Variants in PCSK5 observed in about 807,000 individuals in gnomAD.
PCSK5 encodes the protein proprotein convertase subtilisin/kexin type 5.
Under a neutral mutation model 233.2 loss-of-function variants are expected in PCSK5, and 129 were observed. The observed-to-expected ratio is 0.55, with a 90% confidence interval of 0.48 to 0.64. The LOEUF (loss-of-function observed/expected upper bound fraction) is 0.64, where lower values mean the gene tolerates loss of function less well. PCSK5 is among the 30% of genes least tolerant of loss of function. The pLI is 0.00. For missense variants in PCSK5, 2,076 were observed against 2,430.1 expected, an observed-to-expected ratio of 0.85 and a Z score of 3.06; for synonymous variants, 825 against 879.2, an observed-to-expected ratio of 0.94 and a Z score of 1.09.
intron 10 of PCSK5, among the ~76,000 whole-genome samples, chr9:76,136,196 A>G (rs1055059706): frequency 6.6e-6 from 1 of 151,784 alleles, no homozygotes; most frequent in Admixed American, 6.6e-5. Context: ...CCCGTATTTC[A>G]TCTAAACAGG....
At position 76,227,605 on chromosome 9, in the gene PCSK5, G is replaced by C. The variant is rs762376340; in HGVS notation, c.2729G>C (p.Arg910Thr). Reference protein sequence around the residue: ...QEDCTTCPMTRIFDDGRCVSN... With the variant: ...QEDCTTCPMTTIFDDGRCVSN... ...GACTGCACTACCTGCCCCATGACAA[G>C]GTAAGTGGCTTCTCAGGATCTCCCG... The change falls in exon 21 of 38, where the codon AGG becomes ACG. Residue 910 changes from arginine (R) to threonine (T), a missense_variant and splice_region_variant. Arg to Thr is a moderately conservative substitution (Grantham distance 71). Transcript: ENST00000674117. 3 of 1,601,318 alleles carry C rather than the reference G, an allele frequency of 1.9e-6. No homozygotes were observed. In the Admixed American group the frequency reaches 5.0e-5, roughly 27 times the overall value.
intron 5 of PCSK5, among the ~76,000 whole-genome samples, chr9:76,046,850 G>A (rs531154705): frequency 1.1e-3 from 163 of 152,146 alleles, no homozygotes; most frequent in African/African-American, 3.9e-3. Flanking sequence ...ATGAGCCACC[G>A]CGCCCGGCCA....
At chr9:76,010,454 G>A (rs1228427451) in intron 3 of PCSK5, among the ~76,000 whole-genome samples, 2 of 152,182 alleles carry the variant, frequency 1.3e-5, no homozygotes, top group African/African-American at 4.8e-5. Context: ...TTGGAGGACT[G>A]TGATCTATCA....
chr9:76,324,116 G>C (rs994931473), intron 32 of PCSK5, among the ~76,000 whole-genome samples: 11 of 151,696 alleles, frequency 7.3e-5, no homozygotes, highest in Non-Finnish European at 1.0e-4. Flanking sequence ...AGTAGAGAGG[G>C]GGTTTCACCA....
intron 9 of PCSK5, among the ~76,000 whole-genome samples, chr9:76,110,299 C>T (rs2131687678): frequency 6.6e-6 from 1 of 152,280 alleles, no homozygotes; most frequent in African/African-American, 2.4e-5. Context: ...TCTGCCAGTC[C>T]CTATTTGAAC....
In PCSK5 at chr9:76,181,502, A is replaced by T; in HGVS notation, c.2108A>T (p.Gln703Leu). The T allele has an allele frequency of 6.2e-7, 1 of 1,614,082 alleles. No homozygotes were observed. The highest frequency in any genetic ancestry group is 8.5e-7 in the Non-Finnish European group (1 of 1,179,960). Reference sequence around the variant, plus strand: ...TCCTGCTTTGGGAGCCATGGTGACCAATGCATGTCCTGCAAATATGGATAC... The same window carrying T: ...TCCTGCTTTGGGAGCCATGGTGACCTATGCATGTCCTGCAAATATGGATAC... ...CESCFGSHGDQCMSCKYGYFL... is the reference protein window; with the variant it reads ...CESCFGSHGDLCMSCKYGYFL... Residue 703 changes from glutamine (Q) to leucine (L), a missense_variant, in exon 16 of 38, where the codon CAA becomes CTA. Around this residue, in one of 6 missense-constraint regions of PCSK5, gnomAD observed 1,510 missense variants for 1,538.1 expected, o/e 0.98. Transcript: ENST00000674117.
At chr9:75,929,546 G>C (rs1297079103) in intron 1 of PCSK5, among the ~76,000 whole-genome samples, 1 of 152,108 alleles carries the variant, frequency 6.6e-6, no homozygotes, top group Non-Finnish European at 1.5e-5. Flanking sequence ...CAGCTGGAGA[G>C]GGTCCACCCT....
chr9:76,005,193 A>C (rs1462123031), intron 3 of PCSK5, among the ~76,000 whole-genome samples: 4 of 152,198 alleles, frequency 2.6e-5, no homozygotes, highest in Non-Finnish European at 5.9e-5. Flanking sequence ...GTACAATTTA[A>C]GATTTCTCTT....
intron 34 of PCSK5, among the ~76,000 whole-genome samples, chr9:76,335,536 G>A (rs1182365948): frequency 1.3e-5 from 2 of 152,210 alleles, no homozygotes; most frequent in Non-Finnish European, 2.9e-5. Context: ...TTAAAGCCTA[G>A]GTTACTGCTT....
intron 9 of PCSK5, among the ~76,000 whole-genome samples, chr9:76,122,950 G>A (rs1049318339): frequency 6.1e-5 from 9 of 147,588 alleles, no homozygotes; most frequent in Non-Finnish European, 1.3e-4. Context: ...CTATTCTCCT[G>A]TCTCAGCCTC....
chr9:76,070,425 T>A (rs1564008673), intron 6 of PCSK5, among the ~76,000 whole-genome samples: 3 of 152,316 alleles, frequency 2.0e-5, no homozygotes, highest in South Asian at 4.1e-4. Context: ...CCAAATGCAA[T>A]GTCTTTAGAG....
At chr9:76,031,003 T>A (rs1828632004) in intron 5 of PCSK5, among the ~76,000 whole-genome samples, 1 of 152,162 alleles carries the variant, frequency 6.6e-6, no homozygotes, top group Admixed American at 6.5e-5. Flanking sequence ...TAGGGAATTT[T>A]CACAGGTGTA....
At chr9:76,192,067 C>CAAAAAAAAAAAAAAAAAAAAAAAAAAA in intron 20 of PCSK5, among the ~76,000 whole-genome samples, 1 of 101,228 alleles carries the variant, frequency 9.9e-6, no homozygotes, top group Non-Finnish European at 1.9e-5. Flanking sequence ...AAGACTGTCT[C>CAAAAAAAAAAAAAAAAAAAAAAAAAAA]AAAAAAAAAA....
At chr9:76,146,674 C>A (rs561172640) in intron 10 of PCSK5, among the ~76,000 whole-genome samples, 111 of 152,004 alleles carry the variant, frequency 7.3e-4, no homozygotes, top group African/African-American at 2.4e-3. Context: ...CCCTTTATTA[C>A]CTTGCAGGAT....
chr9:76,108,748 A>G (rs1564031017), intron 9 of PCSK5, among the ~76,000 whole-genome samples: 1 of 152,176 alleles, frequency 6.6e-6, no homozygotes, highest in Non-Finnish European at 1.5e-5. Context: ...CCAAGACTCC[A>G]TCTCAAGAAA....
chr9:76,323,937 T>TTTTTC (rs1829285239), intron 32 of PCSK5, among the ~76,000 whole-genome samples: 1 of 150,688 alleles, frequency 6.6e-6, no homozygotes, highest in Non-Finnish European at 1.5e-5. Context: ...GGGTGATTTT[T>TTTTTC]TTTTTTTTTT....
intron 5 of PCSK5, among the ~76,000 whole-genome samples, chr9:76,064,323 C>T (rs1830176653): frequency 2.0e-5 from 2 of 102,268 alleles, no homozygotes. Flanking sequence ...AGAGGCGCCC[C>T]TCACCTCCCG....
At chr9:75,969,271 C>T (rs1407970630) in intron 2 of PCSK5, among the ~76,000 whole-genome samples, 2 of 152,246 alleles carry the variant, frequency 1.3e-5, no homozygotes, top group East Asian at 1.9e-4. Context: ...GAGACTCAGT[C>T]GACTTTTACT....
intron 3 of PCSK5, among the ~76,000 whole-genome samples, chr9:76,000,292 G>A (rs768035724): frequency 1.3e-5 from 2 of 152,250 alleles, no homozygotes; most frequent in African/African-American, 4.8e-5. Context: ...TAAATTGGTA[G>A]GTAGTAAGAG....
Sources: gnomAD v4.1 joint callset for allele counts (sites outside exome capture counted in the v4.1 genomes callset) on GRCh38, gnomAD v4.1.1 for gene constraint, gnomAD v4.1.1 regional missense constraint, MANE v1.5 for transcripts, NCBI Gene and HGNC (gene_info 2026-07-23, HGNC 2026-07-21) for gene names.